The following DGKB variants were observed in gnomAD, a reference collection of about 807,000 sequenced individuals.
DGKB encodes 90 kDa diacylglycerol kinase.
Under a neutral mutation model 114.3 loss-of-function variants are expected in DGKB, and 67 were observed. The observed-to-expected ratio is 0.59, with a 90% CI of 0.48 to 0.72. The LOEUF is 0.72. DGKB is among the 30% of genes least tolerant of loss of function. The pLI is 0.00. For synonymous variants in DGKB, 398 were observed against 323.1 expected, an observed-to-expected ratio of 1.23 and a Z score of -2.49; for missense variants, 907 against 975.2, an observed-to-expected ratio of 0.93 and a Z score of 0.93.
chr7:14,572,068 C>T (rs1450383871), intron 20 of DGKB, among the ~76,000 whole-genome samples: 2 of 152,114 alleles, frequency 1.3e-5, no homozygotes, highest in East Asian at 3.9e-4. Flanking sequence ...AACAAGGTCT[C>T]TGATGGGGCA....
At chr7:14,746,140 ACCAGC>A (rs1293433715) in intron 4 of DGKB, among the ~76,000 whole-genome samples, 23 of 152,146 alleles carry the variant, frequency 1.5e-4, no homozygotes, top group Non-Finnish European at 2.2e-4. Context: ...GGAGTTCAAG[ACCAGC>A]CTGGCCAATG....
At chr7:14,685,426 C>A in intron 9 of DGKB, 64 bp from the exon 10 acceptor site, 1 of 1,204,120 alleles carries the variant, frequency 8.3e-7, no homozygotes, top group Non-Finnish European at 1.2e-6. Context: ...ATGTAAGTGC[C>A]AATGAAATTC....
At chr7:14,188,825 C>A (rs1254919589) in intron 23 of DGKB, among the ~76,000 whole-genome samples, 2 of 151,968 alleles carry the variant, frequency 1.3e-5, no homozygotes, top group Non-Finnish European at 2.9e-5. Flanking sequence ...CTGCATCACA[C>A]TATTAGCAGA....
chr7:14,508,012 T>A (rs1258832201), intron 20 of DGKB, among the ~76,000 whole-genome samples: 2 of 152,208 alleles, frequency 1.3e-5, no homozygotes, highest in Non-Finnish European at 2.9e-5. Flanking sequence ...AACAAGGCAA[T>A]GATTCAACAA....
chr7:14,775,026 C>T lies in DGKB; in HGVS notation c.71-17295G>A, dbSNP rs566156119. Among the ~76,000 whole-genome samples the T allele has an allele frequency of 1.8e-4, 28 of 152,118 alleles. 1 individual carries two copies. The highest frequency in any genetic ancestry group is 5.8e-4 in the African/African-American group (24 of 41,522). On this transcript the variant is annotated intron_variant, in intron 2 of 25. Coordinates refer to ENST00000402815, the MANE Select transcript of DGKB (RefSeq NM_001350709.2). ...CTTAAATATAAGAATATATAACCTT[C>T]CATGATTTTTCTACCTGGAAATGAC...
rs541395186 is a variant in DGKB, at chr7:14,311,085, G to A, written c.2122+27430C>T. ...TGAGGCTACAATGAGCCAAGGTCAC[G>A]CCACTGCACTCCAGCCTGGGGAACA... On this transcript the variant is annotated intron_variant, in intron 23 of 25. Transcript: ENST00000402815. Among the ~76,000 whole-genome samples, 434 of 152,124 alleles carry A rather than the reference G, an allele frequency of 2.9e-3. 2 individuals carry two copies. The highest frequency in any genetic ancestry group is 3.7e-3 in the Non-Finnish European group (251 of 67,970).
chr7:14,655,259 A>G (rs1047087264), intron 13 of DGKB, among the ~76,000 whole-genome samples: 1 of 151,882 alleles, frequency 6.6e-6, no homozygotes, highest in Admixed American at 6.6e-5. Flanking sequence ...AAGAAGAAAT[A>G]CAAATGGCCA....
chr7:14,806,969 T>C (rs999574026), intron 2 of DGKB, among the ~76,000 whole-genome samples: 3 of 151,914 alleles, frequency 2.0e-5, no homozygotes, highest in East Asian at 1.9e-4. Flanking sequence ...TTCTGCCAAG[T>C]TTGCAAACTA....
At chr7:14,280,724 G>T (rs1242441756) in intron 23 of DGKB, among the ~76,000 whole-genome samples, 1 of 149,768 alleles carries the variant, frequency 6.7e-6, no homozygotes, top group Non-Finnish European at 1.5e-5. Flanking sequence ...TTAAAGAAAA[G>T]AATTTTCAAC....
chr7:14,259,136 G>A (rs184985801), intron 23 of DGKB, among the ~76,000 whole-genome samples: 30 of 152,178 alleles, frequency 2.0e-4, no homozygotes, highest in Admixed American at 5.9e-4. Flanking sequence ...TCACAAATGG[G>A]CATTGACTGT....
At chr7:14,729,113 C>T (rs1260746440) in intron 5 of DGKB, among the ~76,000 whole-genome samples, 1 of 141,766 alleles carries the variant, frequency 7.1e-6, no homozygotes, top group Non-Finnish European at 1.5e-5. Context: ...AAACGGGTTT[C>T]ATTTTCTTTC....
At chr7:14,260,296 T>C (rs1486779723) in intron 23 of DGKB, among the ~76,000 whole-genome samples, 2 of 152,204 alleles carry the variant, frequency 1.3e-5, no homozygotes, top group African/African-American at 2.4e-5. Context: ...AAGTATATCA[T>C]TAGGACTCCT....
chr7:14,547,467 G>A (rs1681776724), intron 20 of DGKB, among the ~76,000 whole-genome samples: 1 of 152,034 alleles, frequency 6.6e-6, no homozygotes, highest in African/African-American at 2.4e-5. Context: ...ACTTTCATAT[G>A]GAGAAAATAA....
intron 1 of DGKB, among the ~76,000 whole-genome samples, chr7:14,861,975 T>C (rs1586980522): frequency 1.3e-5 from 2 of 152,036 alleles, no homozygotes; most frequent in African/African-American, 4.8e-5. Flanking sequence ...GTTTCTCATT[T>C]ATATGACCAC....
chr7:14,923,913 T>C (rs1484160359), intron 1 of DGKB, among the ~76,000 whole-genome samples: 4 of 143,502 alleles, frequency 2.8e-5, no homozygotes, highest in African/African-American at 1.1e-4. Context: ...GAGAATCTCT[T>C]GAACCCGGGA....
intron 13 of DGKB, among the ~76,000 whole-genome samples, chr7:14,670,076 A>C (rs1818694047): frequency 6.6e-6 from 1 of 152,058 alleles, no homozygotes; most frequent in East Asian, 1.9e-4. Flanking sequence ...TTCATGAATA[A>C]AGGCCTATTT....
At position 14,566,351 on chromosome 7, in the gene DGKB, C is replaced by A. The variant is rs73680430; in HGVS notation, c.1770+7861G>T. Among the ~76,000 whole-genome samples, 291 of 152,150 alleles carry A rather than the reference C, an allele frequency of 1.9e-3. 1 individual carries two copies. Among genetic ancestry groups the A allele is most frequent in the African/African-American group, 6.8e-3 (281 of 41,514 alleles). ...ATGGTTTATTATGGACTGTGGTTTA[C>A]ACAAGGCAGAGTTTATAGAATCTCA... On this transcript the variant is annotated intron_variant, in intron 20 of 25. Coordinates refer to ENST00000402815, the MANE Select transcript of DGKB (RefSeq NM_001350709.2).
At chr7:14,909,457 T>C (rs1370031623) in intron 1 of DGKB, among the ~76,000 whole-genome samples, 1 of 152,128 alleles carries the variant, frequency 6.6e-6, no homozygotes, top group Non-Finnish European at 1.5e-5. Flanking sequence ...GCTTCATAGG[T>C]CTATGTAGAG....
Position 14,436,018 on chromosome 7 carries a change from A to T in DGKB, c.1835+42143T>A, listed in dbSNP as rs73280325. Among the ~76,000 whole-genome samples the T allele has an allele frequency of 9.2e-3, 1,404 of 152,182 alleles. 24 individuals are homozygous for T. Among genetic ancestry groups the T allele is most frequent in the African/African-American group, 0.032 (1,346 of 41,548 alleles). On this transcript the variant is annotated intron_variant, in intron 21 of 25. Coordinates refer to ENST00000402815, the MANE Select transcript of DGKB (RefSeq NM_001350709.2). ...CAGTCTTTTTGGCACAAAATATTTC[A>T]AATGGAATCTAATGCCTAATTTTTC... is the stretch of plus-strand genomic sequence containing the variant.
Sources: allele counts gnomAD v4.1 joint callset (sites outside exome capture counted in the v4.1 genomes callset), GRCh38; gene constraint gnomAD v4.1.1; transcripts MANE v1.5; gene names NCBI Gene and HGNC (gene_info 2026-07-23, HGNC 2026-07-21).